The following GPC5 variants were observed in gnomAD, a reference collection of about 807,000 sequenced individuals.
The protein encoded by GPC5 is glypican-5.
A neutral mutation model predicts 53.9 loss-of-function variants in GPC5; 47 were observed. The ratio of observed to expected loss-of-function variants is 0.87; its 90% CI spans 0.69 to 1.11. The LOEUF is 1.11. Ranked by LOEUF, GPC5 falls within the 50% of genes most tolerant of loss-of-function variation. The pLI is 0.00. For synonymous variants in GPC5, 286 were observed against 263.3 expected (o/e 1.09, Z -0.84); for missense variants, 748 against 713.1 (o/e 1.05, Z -0.56).
chr13:92,142,265 C>A (rs574519024), intron 6 of GPC5, among the ~76,000 whole-genome samples: 1 of 152,184 alleles, frequency 6.6e-6, no homozygotes, highest in African/African-American at 2.4e-5. Context: ...TTTGTAAATT[C>A]AAAATCAACT....
intron 7 of GPC5, among the ~76,000 whole-genome samples, chr13:92,264,961 G>A (rs16952627): frequency 0.21 from 30,572 of 146,878 alleles, 3,258 homozygotes; most frequent in South Asian, 0.39. Context: ...AAGGCTGCAC[G>A]GAAATGTAGA....
chr13:92,336,073 T>G (rs1447423566), intron 7 of GPC5, among the ~76,000 whole-genome samples: 1 of 152,150 alleles, frequency 6.6e-6, no homozygotes, highest in Admixed American at 6.6e-5. Flanking sequence ...TCATACACAC[T>G]GAAAAATGTT....
intron 2 of GPC5, among the ~76,000 whole-genome samples, chr13:91,534,094 T>A (rs1384094456): frequency 1.3e-5 from 2 of 152,178 alleles, no homozygotes; most frequent in African/African-American, 2.4e-5. Flanking sequence ...GGAAGGCCAT[T>A]ATAGATTATA....
chr13:92,295,778 C>T (rs981366478), intron 7 of GPC5, among the ~76,000 whole-genome samples: 6 of 152,124 alleles, frequency 3.9e-5, no homozygotes, highest in Non-Finnish European at 7.4e-5. Context: ...AATAGCTACT[C>T]CTGCTCATTT....
chr13:91,959,208 A>G (rs2040104044), intron 6 of GPC5, among the ~76,000 whole-genome samples: 1 of 151,986 alleles, frequency 6.6e-6, no homozygotes, highest in South Asian at 2.1e-4. Context: ...AAAATCAAAA[A>G]TGAAATGGGA....
At chr13:92,786,774 G>T (rs1876247611) in intron 7 of GPC5, among the ~76,000 whole-genome samples, 1 of 152,132 alleles carries the variant, frequency 6.6e-6, no homozygotes, top group African/African-American at 2.4e-5. Context: ...GAGTGCTGTG[G>T]CATTAAAGCC....
intron 7 of GPC5, among the ~76,000 whole-genome samples, chr13:92,290,010 A>T (rs1478657073): frequency 6.6e-6 from 1 of 152,126 alleles, no homozygotes; most frequent in Admixed American, 6.6e-5. Context: ...GATTGGTTTT[A>T]AAAAATATAC....
At chr13:91,695,447 C>T (rs1381070698) in intron 3 of GPC5, among the ~76,000 whole-genome samples, 2 of 152,132 alleles carry the variant, frequency 1.3e-5, no homozygotes, top group Non-Finnish European at 2.9e-5. Context: ...GATCTCAGCT[C>T]ACTGCAAGCT....
At chr13:92,063,181 A>G (rs1192988492) in intron 6 of GPC5, among the ~76,000 whole-genome samples, 3 of 152,152 alleles carry the variant, frequency 2.0e-5, no homozygotes, top group Non-Finnish European at 4.4e-5. Flanking sequence ...AACAGCTAAT[A>G]AAATAAAATT....
At chr13:92,080,579 T>G (rs9523505) in intron 6 of GPC5, among the ~76,000 whole-genome samples, 78,625 of 152,004 alleles carry the variant, frequency 0.52, 20,718 homozygotes, top group East Asian at 0.79. Context: ...GTCACCCATT[T>G]TCATCTCAGG....
At chr13:91,999,630 C>T (rs1365962827) in intron 6 of GPC5, among the ~76,000 whole-genome samples, 17 of 152,132 alleles carry the variant, frequency 1.1e-4, no homozygotes. Context: ...AATAAATAGT[C>T]ATTCTCTTTT....
At chr13:91,621,851 A>T (rs1372988585) in intron 2 of GPC5, among the ~76,000 whole-genome samples, 1 of 148,804 alleles carries the variant, frequency 6.7e-6, no homozygotes, top group Non-Finnish European at 1.5e-5. Context: ...TGATATGCCA[A>T]CTGCAAGCTG....
At chr13:91,911,486 T>C (rs2039609988) in intron 6 of GPC5, among the ~76,000 whole-genome samples, 1 of 152,086 alleles carries the variant, frequency 6.6e-6, no homozygotes, top group Non-Finnish European at 1.5e-5. Context: ...GAGCTTTCAG[T>C]GAGCCAAGAT....
chr13:92,866,692 A>G lies in GPC5; in HGVS notation c.*253A>G, dbSNP rs1879347954. 3.7e-6 allele frequency: 1 copy of G among 271,130 alleles called. No homozygotes were observed. Among genetic ancestry groups the G allele is most frequent in the South Asian group, 1.4e-4 (1 of 6,922 alleles). 16.8% of individuals were successfully genotyped at this position (271,130 alleles called of 1,614,324 possible). ...TTAACTTCTAATATATTAAATCTGA[A>G]GATGTGAAGGGCACAGAAGTGACTT... On this transcript the variant is annotated 3_prime_UTR_variant, in exon 8 of 8. Transcript: ENST00000377067.
chr13:92,548,562 A>G (rs1355697491), intron 7 of GPC5, among the ~76,000 whole-genome samples: 2 of 152,024 alleles, frequency 1.3e-5, no homozygotes, highest in Admixed American at 1.3e-4. Flanking sequence ...TTAAAAATTA[A>G]TGATAATTAC....
intron 7 of GPC5, among the ~76,000 whole-genome samples, chr13:92,277,495 C>T (rs2042884304): frequency 6.6e-6 from 1 of 151,966 alleles, no homozygotes; most frequent in African/African-American, 2.4e-5. Context: ...TTATACATCA[C>T]TTATTATTTT....
intron 7 of GPC5, among the ~76,000 whole-genome samples, chr13:92,850,704 C>T (rs934949407): frequency 6.6e-5 from 10 of 152,162 alleles, no homozygotes; most frequent in Admixed American, 1.3e-4. Flanking sequence ...AAAGCTGTAA[C>T]GAGGAGTTAT....
At chr13:92,835,401 G>A (rs1878188715) in intron 7 of GPC5, among the ~76,000 whole-genome samples, 1 of 151,896 alleles carries the variant, frequency 6.6e-6, no homozygotes, top group Non-Finnish European at 1.5e-5. Flanking sequence ...AGCATCAACA[G>A]AGATCAGCTT....
chr13:91,518,003 C>T (rs563691008), intron 2 of GPC5, among the ~76,000 whole-genome samples: 9 of 152,204 alleles, frequency 5.9e-5, no homozygotes, highest in African/African-American at 9.6e-5. Context: ...GAGATTTCGG[C>T]GAAGACACAG....
Sources: gnomAD v4.1 joint callset for allele counts (sites outside exome capture counted in the v4.1 genomes callset) on GRCh38, gnomAD v4.1.1 for gene constraint, MANE v1.5 for transcripts, NCBI Gene and HGNC (gene_info 2026-07-23, HGNC 2026-07-21) for gene names.